The following TENM4 variants were observed in gnomAD, a reference collection of about 807,000 sequenced individuals.
The protein encoded by TENM4 is teneurin transmembrane protein 4, also known as teneurin-4.
Under a neutral mutation model 243.3 loss-of-function variants are expected in TENM4, and 82 were observed. That is an observed-to-expected ratio of 0.34 (90% CI 0.28 to 0.40). The LOEUF is 0.40. TENM4 is among the 10% of genes least tolerant of loss of function. The pLI, the probability that TENM4 is intolerant of heterozygous loss-of-function variation, is 1.00. For missense variants in TENM4, 3,138 were observed against 3,673.3 expected (o/e 0.85, Z 3.77); for synonymous variants, 1,412 against 1,456.3 (o/e 0.97, Z 0.69).
At chr11:78,733,902 G>C (rs1855728449) in intron 20 of TENM4, among the ~76,000 whole-genome samples, 1 of 152,140 alleles carries the variant, frequency 6.6e-6, no homozygotes, top group African/African-American at 2.4e-5. Context: ...TAAGACATAA[G>C]ACTAGGCCAG....
chr11:79,083,357 C>G (rs1459991774), intron 4 of TENM4, among the ~76,000 whole-genome samples: 4 of 152,168 alleles, frequency 2.6e-5, no homozygotes, highest in African/African-American at 9.6e-5. Context: ...GAGACTGGTT[C>G]GGTTTTGTCA....
At chr11:79,138,331 T>TATATATATATATATATATA (rs1555015535) in intron 4 of TENM4, among the ~76,000 whole-genome samples, 29 of 76,128 alleles carry the variant, frequency 3.8e-4, no homozygotes, top group South Asian at 1.5e-3. Context: ...ATATATATAT[T>TATATATATATATATATATA]ATATATATAA....
chr11:79,014,836 T>C (rs1352195156), intron 6 of TENM4: 2 of 152,232 alleles, frequency 1.3e-5, no homozygotes, highest in Non-Finnish European at 2.9e-5. Flanking sequence ...GTGACTTTTA[T>C]AACCAGGAAG....
chr11:79,312,371 T>C (rs962310880), intron 1 of TENM4, among the ~76,000 whole-genome samples: 7 of 152,372 alleles, frequency 4.6e-5, no homozygotes, highest in East Asian at 1.9e-4. Context: ...AAAACAGGTA[T>C]ATAATGCTTA....
intron 2 of TENM4, among the ~76,000 whole-genome samples, chr11:79,225,767 G>A (rs773481075): frequency 2.6e-5 from 4 of 152,200 alleles, no homozygotes; most frequent in African/African-American, 4.8e-5. Context: ...ACAGGCGTGA[G>A]CCACCGTGCT....
At chr11:79,407,549 GC>G (rs1858598839) in intron 1 of TENM4, among the ~76,000 whole-genome samples, 2 of 152,216 alleles carry the variant, frequency 1.3e-5, no homozygotes, top group African/African-American at 4.8e-5. Flanking sequence ...CCAAGATCCT[GC>G]TGCTAATAAG....
intron 18 of TENM4, among the ~76,000 whole-genome samples, chr11:78,763,931 C>CACTGCTGGCCACGTGGCCCTTCTTT (rs1856486402): frequency 6.6e-6 from 1 of 152,002 alleles, no homozygotes; most frequent in Non-Finnish European, 1.5e-5. Context: ...AGACATAGGC[C>CACTGCTGGCCACGTGGCCCTTCTTT]AAGTGAACAA....
At chr11:79,066,730 G>GCACA (rs1555001925) in intron 5 of TENM4, among the ~76,000 whole-genome samples, 145 of 150,720 alleles carry the variant, frequency 9.6e-4, no homozygotes, top group Middle Eastern at 6.9e-3. Flanking sequence ...GAGCACACAC[G>GCACA]CGCACGCACA....
At chr11:79,029,067 A>G (rs1859159141) in intron 6 of TENM4, among the ~76,000 whole-genome samples, 1 of 152,198 alleles carries the variant, frequency 6.6e-6, no homozygotes, top group South Asian at 2.1e-4. Context: ...ATATTTTTTA[A>G]TACAAAAATA....
At chr11:79,228,308 T>C (rs1864309508) in intron 2 of TENM4, among the ~76,000 whole-genome samples, 1 of 152,166 alleles carries the variant, frequency 6.6e-6, no homozygotes. Flanking sequence ...TTGCTTCTGC[T>C]CAGGCCCTTG....
intron 6 of TENM4, among the ~76,000 whole-genome samples, chr11:79,022,566 C>T (rs1172431799): frequency 6.6e-6 from 1 of 152,236 alleles, no homozygotes; most frequent in Non-Finnish European, 1.5e-5. Context: ...CTGTGGCAAT[C>T]ACTCTGCCAA....
At chr11:79,344,910 T>C (rs956120400) in intron 1 of TENM4, among the ~76,000 whole-genome samples, 2 of 152,234 alleles carry the variant, frequency 1.3e-5, no homozygotes, top group Middle Eastern at 3.2e-3. Flanking sequence ...TGTCACTTCT[T>C]AGTCAGATGC....
At chr11:78,832,149 T>C (rs1172500617) in intron 12 of TENM4, among the ~76,000 whole-genome samples, 1 of 152,210 alleles carries the variant, frequency 6.6e-6, no homozygotes, top group East Asian at 1.9e-4. Context: ...CCCGCATACT[T>C]CAAGCAGCTT....
chr11:79,090,030 G>A (rs988874972), intron 4 of TENM4, among the ~76,000 whole-genome samples: 2 of 152,200 alleles, frequency 1.3e-5, no homozygotes, highest in Admixed American at 6.5e-5. Context: ...AGGCAGATGT[G>A]GCTTTGAAGC....
chr11:79,401,168 T>A (rs562912734), intron 1 of TENM4, among the ~76,000 whole-genome samples: 4 of 152,350 alleles, frequency 2.6e-5, no homozygotes, highest in African/African-American at 7.2e-5. Flanking sequence ...GTCCTTCACC[T>A]TTTTGTTTTC....
intron 2 of TENM4, among the ~76,000 whole-genome samples, chr11:79,287,486 G>A (rs892618855): frequency 5.3e-5 from 8 of 152,166 alleles, no homozygotes; most frequent in African/African-American, 1.9e-4. Flanking sequence ...TCCATGTTCT[G>A]TAGATCATGA....
chr11:78,837,892 A>G (rs904184382), intron 12 of TENM4, among the ~76,000 whole-genome samples: 2 of 152,140 alleles, frequency 1.3e-5, no homozygotes, highest in African/African-American at 4.8e-5. Flanking sequence ...AATTGCCACA[A>G]TTTTAAACAA....
At chr11:79,261,530 A>T (rs1383295425) in intron 2 of TENM4, among the ~76,000 whole-genome samples, 1 of 152,130 alleles carries the variant, frequency 6.6e-6, no homozygotes, top group African/African-American at 2.4e-5. Flanking sequence ...CTTGGGAATG[A>T]GCCCCCACAG....
At chr11:79,123,185 TATGCTTACATA>T (rs748944023) in intron 4 of TENM4, among the ~76,000 whole-genome samples, 16 of 152,324 alleles carry the variant, frequency 1.1e-4, no homozygotes, top group Non-Finnish European at 2.1e-4. Context: ...TCATGTATCT[TATGCTTACATA>T]GTGCTTACTA....
Sources: gnomAD v4.1 joint callset for allele counts (sites outside exome capture counted in the v4.1 genomes callset) on GRCh38, gnomAD v4.1.1 for gene constraint, MANE v1.5 for transcripts, NCBI Gene and HGNC (gene_info 2026-07-23, HGNC 2026-07-21) for gene names.